The following OR8G5 variants were observed in gnomAD, a reference collection of about 807,000 sequenced individuals.
The protein encoded by OR8G5 is olfactory receptor family 8 subfamily G member 5, also known as olfactory receptor 8G5.
For missense variants in OR8G5, 347 were observed against 371.9 expected, an observed-to-expected ratio of 0.93 and a Z score of 0.55; for synonymous variants, 147 against 147.7, an observed-to-expected ratio of 1.00 and a Z score of 0.03.
At chr11:124,260,809 A>C (rs1861963280) in intron 1 of OR8G5, among the ~76,000 whole-genome samples, 2 of 151,916 alleles carry the variant, frequency 1.3e-5, no homozygotes, top group South Asian at 4.1e-4. Context: ...TCAAACATTT[A>C]TCATTTGTTT....
chr11:124,256,897 A>ACT (rs1312971905), intron 1 of OR8G5, among the ~76,000 whole-genome samples: 7 of 152,350 alleles, frequency 4.6e-5, no homozygotes, highest in African/African-American at 1.7e-4. Flanking sequence ...GAATTTTCTG[A>ACT]GCATGCAGTA....
chr11:124,256,899 C>T (rs1022092294), intron 1 of OR8G5, among the ~76,000 whole-genome samples: 1 of 152,148 alleles, frequency 6.6e-6, no homozygotes, highest in African/African-American at 2.4e-5. Flanking sequence ...ATTTTCTGAG[C>T]ATGCAGTAGA....
At chr11:124,264,226 A>G (rs1049951925) in intron 1 of OR8G5, among the ~76,000 whole-genome samples, 3 of 152,198 alleles carry the variant, frequency 2.0e-5, no homozygotes, top group Admixed American at 6.5e-5. Context: ...TGGCTAGTAA[A>G]TGACGGGGTC....
intron 1 of OR8G5, among the ~76,000 whole-genome samples, chr11:124,264,266 G>C (rs1287843875): frequency 6.6e-6 from 1 of 152,156 alleles, no homozygotes; most frequent in Non-Finnish European, 1.5e-5. Flanking sequence ...TTTGACTTTA[G>C]AGCCTGTCCA....
chr11:124,265,401 C>T lies in OR8G5; in HGVS notation c.470C>T (p.Ser157Leu). The T allele has an allele frequency of 6.2e-7, 1 of 1,614,010 alleles. No individual in the cohort carries two copies. Among genetic ancestry groups the T allele is most frequent in the South Asian group, 1.1e-5 (1 of 91,080 alleles). Reference sequence around the variant, plus strand: ...TATGTAATAGGCCTGATTTGTGCGTCAGCTCATATAGGCTGTATGTTTAGG... The same window carrying T: ...TATGTAATAGGCCTGATTTGTGCGTTAGCTCATATAGGCTGTATGTTTAGG... ...VVYVIGLICA[S>L]AHIGCMFRVQ... The change falls in exon 2 of 2, where the codon TCA becomes TTA. Residue 157 changes from serine (S) to leucine (L), a missense_variant. Transcript: ENST00000641992.
chr11:124,257,014 A>G (rs375187505), intron 1 of OR8G5, among the ~76,000 whole-genome samples: 17 of 152,356 alleles, frequency 1.1e-4, no homozygotes, highest in East Asian at 5.8e-4. Flanking sequence ...AGAAAGTGTA[A>G]TTGGTAAGAC....
At position 124,265,788 on chromosome 11, in the gene OR8G5, A is replaced by G. The variant is rs1862024368; in HGVS notation, c.857A>G (p.Asn286Ser). The G allele has an allele frequency of 6.2e-7, 1 of 1,614,058 alleles. No individual in the cohort carries two copies. Among genetic ancestry groups the G allele is most frequent in the Non-Finnish European group, 8.5e-7 (1 of 1,179,988 alleles). Residue 286 changes from asparagine to serine, a missense_variant, in exon 2 of 2, where the codon AAC becomes AGC. Coordinates refer to ENST00000641992, the MANE Select transcript of OR8G5 (RefSeq NM_001005198.2). ...VFYTIVVPML[N>S]PLIYSLRNKD... The stretch of plus-strand genomic sequence containing the variant: ...TATACTATTGTTGTGCCCATGCTGA[A>G]CCCCCTGATCTACAGCCTGAGGAAT...
Position 124,265,679 on chromosome 11 carries a change from G to C in OR8G5, c.748G>C (p.Val250Leu). 6.2e-7 allele frequency: 1 copy of C among 1,613,958 alleles called. No individual in the cohort carries two copies. The highest frequency in any genetic ancestry group is 8.5e-7 in the Non-Finnish European group (1 of 1,179,908). ...TCSSHISAVS[V>L]FFGSAAFMYL... is the part of the protein sequence containing the mutation. ...CAGCTCCCACATCTCGGCTGTTTCT[G>C]TTTTCTTTGGGTCTGCAGCATTCAT... The change falls in exon 2 of 2, where the codon GTT (valine) becomes CTT (leucine). Residue 250 changes from valine to leucine, a missense_variant. Val to Leu is a conservative substitution (Grantham distance 32). Transcript: ENST00000641992.
At chr11:124,262,434 A>G (rs1181991979) in intron 1 of OR8G5, among the ~76,000 whole-genome samples, 2 of 151,848 alleles carry the variant, frequency 1.3e-5, no homozygotes, top group Non-Finnish European at 2.9e-5. Context: ...AAAAAGAAAG[A>G]TAAAATCTGA....
In OR8G5 at chr11:124,265,406, C is replaced by CA. The variant is rs1418269506; in HGVS notation, c.476dup (p.His159GlnfsTer7). 3 of 1,613,972 alleles carry CA rather than the reference C, an allele frequency of 1.9e-6. No individual in the cohort carries two copies. The highest frequency in any genetic ancestry group is 2.5e-6 in the Non-Finnish European group (3 of 1,179,866). ...AATAGGCCTGATTTGTGCGTCAGCT[C>CA]ATATAGGCTGTATGTTTAGGGTTCA... On this transcript the variant is annotated frameshift_variant, in exon 2 of 2. Coordinates refer to ENST00000641992, the MANE Select transcript of OR8G5 (RefSeq NM_001005198.2). LOFTEE classifies it low-confidence loss of function (END_TRUNC).
In OR8G5 at chr11:124,266,158, C is replaced by T. The variant is rs1398652991; in HGVS notation, c.*291C>T. On this transcript the variant is annotated 3_prime_UTR_variant, in exon 2 of 2. Coordinates refer to ENST00000641992, the MANE Select transcript of OR8G5 (RefSeq NM_001005198.2). ...TTACATTCCCTTCCCCCTTTTCTTT[C>T]ATGTAATTGATTAAAACATACTCCT... is the stretch of plus-strand genomic sequence containing the variant. 1 of 306,034 alleles carries T rather than the reference C, an allele frequency of 3.3e-6. No individual in the cohort carries two copies. The highest frequency in any genetic ancestry group is 4.7e-5 in the Admixed American group (1 of 21,214). 19.0% of individuals were successfully genotyped at this position (306,034 alleles called of 1,614,324 possible).
rs926115625 is a variant in OR8G5 at position 124,265,205 on chromosome 11, A to G, written c.274A>G (p.Ile92Val). 2 of 1,614,068 alleles carry G rather than the reference A, an allele frequency of 1.2e-6. No individual in the cohort carries two copies. Among genetic ancestry groups the G allele is most frequent in the Non-Finnish European group, 1.7e-6 (2 of 1,179,950 alleles). ...LVNFVTEKNI[I>V]SYPECMTQLY... ...GAACTTTGTGACAGAGAAGAACATC[A>G]TCTCCTACCCTGAATGCATGACTCA... The change falls in exon 2 of 2, where the codon ATC becomes GTC. Residue 92 changes from isoleucine to valine, a missense_variant. Coordinates refer to ENST00000641992, the MANE Select transcript of OR8G5 (RefSeq NM_001005198.2).
Position 124,264,912 on chromosome 11 carries a change from C to T in OR8G5, c.-14-6C>T. 2 of 1,612,928 alleles carry T rather than the reference C, an allele frequency of 1.2e-6. No homozygotes were observed. Among genetic ancestry groups the T allele is most frequent in the Non-Finnish European group, 1.7e-6 (2 of 1,179,144 alleles). On this transcript the variant is annotated splice_region_variant and splice_polypyrimidine_tract_variant and intron_variant, in intron 1 of 1. Transcript: ENST00000641992. ...CTAAATACCATGTTTTTTCTCTCCCCTGCAGAAACTCATCAAAGAATGGCA... is the reference window on the plus strand; with the variant it reads ...CTAAATACCATGTTTTTTCTCTCCCTTGCAGAAACTCATCAAAGAATGGCA...
At chr11:124,257,534 C>T (rs1861925688) in intron 1 of OR8G5, among the ~76,000 whole-genome samples, 1 of 151,986 alleles carries the variant, frequency 6.6e-6, no homozygotes, top group African/African-American at 2.4e-5. Flanking sequence ...ATGAGACGGA[C>T]AAGTTATGGA....
chr11:124,263,625 T>G (rs1861997411), intron 1 of OR8G5, among the ~76,000 whole-genome samples: 1 of 151,842 alleles, frequency 6.6e-6, no homozygotes, highest in South Asian at 2.1e-4. Flanking sequence ...TGCGATAGTT[T>G]GCTGAGAATG....
chr11:124,266,015 A>G lies in OR8G5; in HGVS notation c.*148A>G, dbSNP rs1862027165. 3 of 916,396 alleles carry G rather than the reference A, an allele frequency of 3.3e-6. No homozygotes were observed. Among genetic ancestry groups the G allele is most frequent in the South Asian group, 2.1e-5 (1 of 48,536 alleles). 56.8% of individuals were successfully genotyped at this position (916,396 alleles called of 1,614,324 possible). ...ACGTTATGTCTTATGCACATGGTCTATTTCATGCCATTTCCCTCTCATTTT... is the reference window on the plus strand; with the variant it reads ...ACGTTATGTCTTATGCACATGGTCTGTTTCATGCCATTTCCCTCTCATTTT... On this transcript the variant is annotated 3_prime_UTR_variant, in exon 2 of 2. Transcript: ENST00000641992.
At chr11:124,262,425 AAAAG>A (rs1477212121) in intron 1 of OR8G5, among the ~76,000 whole-genome samples, 16 of 151,946 alleles carry the variant, frequency 1.1e-4, no homozygotes, top group African/African-American at 1.9e-4. Flanking sequence ...AAGAAAACTA[AAAAG>A]AAAGATAAAA....
chr11:124,257,286 T>C (rs1591394474), intron 1 of OR8G5, among the ~76,000 whole-genome samples: 2 of 152,346 alleles, frequency 1.3e-5, no homozygotes, highest in South Asian at 4.1e-4. Context: ...GCCTCTTCCT[T>C]TTTTAAGATC....
rs377735388 is a variant in OR8G5 at position 124,264,833 on chromosome 11, A to T, written c.-14-85A>T. 4.8e-5 allele frequency: 74 copies of T among 1,541,858 alleles called. 1 individual carries two copies. The South Asian group carries it at 7.8e-4, about 16-fold the overall frequency. On this transcript the variant is annotated intron_variant, in intron 1 of 1. Transcript: ENST00000641992. ...TTAATTGAACCGGAGTTAAATGATC[A>T]TATATAAACAAGGGATCACTTTCCT...
Sources: gnomAD v4.1 joint callset for allele counts (sites outside exome capture counted in the v4.1 genomes callset) on GRCh38, gnomAD v4.1.1 for gene constraint, MANE v1.5 for transcripts, NCBI Gene and HGNC (gene_info 2026-07-23, HGNC 2026-07-21) for gene names.